LETM1: variants seen among roughly 807,000 people sequenced by gnomAD.
The protein encoded by LETM1 is mitochondrial proton/calcium exchanger protein.
LETM1 carries 50 observed loss-of-function variants against 74.5 expected under a neutral mutation model. The ratio of observed to expected loss-of-function variants is 0.67; its 90% CI spans 0.53 to 0.85. LETM1 has a LOEUF of 0.85. LETM1 is among the 40% of genes least tolerant of loss of function. The pLI is 0.00. For synonymous variants in LETM1, 446 were observed against 407.1 expected (o/e 1.10, Z -1.15); for missense variants, 824 against 967.8 (o/e 0.85, Z 1.97).
At chr4:1,847,428 A>G (rs1291199139) in intron 2 of LETM1, among the ~76,000 whole-genome samples, 1 of 152,172 alleles carries the variant, frequency 6.6e-6, no homozygotes, top group African/African-American at 2.4e-5. Flanking sequence ...TTTTAGAAGT[A>G]AAATGGTTCA....
chr4:1,821,763 C>T (rs1034111820), intron 10 of LETM1, among the ~76,000 whole-genome samples: 1 of 152,180 alleles, frequency 6.6e-6, no homozygotes, highest in Non-Finnish European at 1.5e-5. Context: ...TGAAGATGCT[C>T]CAAGCCCAGA....
chr4:1,829,869 G>A (rs752583973), intron 6 of LETM1, among the ~76,000 whole-genome samples: 5 of 150,562 alleles, frequency 3.3e-5, no homozygotes, highest in East Asian at 1.9e-4. Flanking sequence ...ATGAAACAAC[G>A]ACACACACAC....
At chr4:1,849,297 C>T (rs1712989980) in intron 1 of LETM1, 88 bp from the exon 2 acceptor site, 3 of 931,134 alleles carry the variant, frequency 3.2e-6, no homozygotes, top group Admixed American at 1.9e-5. Flanking sequence ...TGGAGTTTCG[C>T]TCTTGCGCCC....
chr4:1,814,470 T>G lies in LETM1; in HGVS notation c.2174A>C (p.Lys725Thr). The G allele has an allele frequency of 6.2e-7, 1 of 1,614,118 alleles. No homozygotes were observed. Among genetic ancestry groups the G allele is most frequent in the Non-Finnish European group, 8.5e-7 (1 of 1,179,948 alleles). ...CTCCTTCTCTGCCTTCTCTTTGGCCTTCTCCTTCTCCTCCACCTTCTCCTC... is the reference window on the plus strand; with the variant it reads ...CTCCTTCTCTGCCTTCTCTTTGGCCGTCTCCTTCTCCTCCACCTTCTCCTC... ...EKEEKVEEKE[K>T]AKEKAEKEVA... Residue 725 changes from lysine (K) to threonine (T), a missense_variant, in exon 14 of 14, where the codon AAG (lysine) becomes ACG (threonine). Around this residue, in one of 4 missense-constraint regions of LETM1, gnomAD observed 161 missense variants for 252.7 expected, o/e 0.64. Transcript: ENST00000302787.
At chr4:1,855,524 G>A (rs1410128526) in intron 1 of LETM1, among the ~76,000 whole-genome samples, 1 of 152,266 alleles carries the variant, frequency 6.6e-6, no homozygotes, top group East Asian at 1.9e-4. Context: ...CGTGACCAAA[G>A]GGCACGGCCG....
chr4:1,818,117 C>G (rs1211376596), intron 11 of LETM1, among the ~76,000 whole-genome samples: 1 of 151,892 alleles, frequency 6.6e-6, no homozygotes, highest in Non-Finnish European at 1.5e-5. Context: ...GTTTTTTTCC[C>G]ACGAGTAAAC....
intron 11 of LETM1, among the ~76,000 whole-genome samples, chr4:1,818,122 G>A (rs1290127104): frequency 2.0e-5 from 3 of 152,024 alleles, no homozygotes; most frequent in Non-Finnish European, 4.4e-5. Context: ...TTTCCCACGA[G>A]TAAACACCAT....
chr4:1,822,704 CCT>C (rs975280222), intron 9 of LETM1: 72 of 364,952 alleles, frequency 2.0e-4, no homozygotes, highest in African/African-American at 1.4e-3. Context: ...ACAGCAAGTC[CCT>C]GAGGAGAGGG....
At chr4:1,820,190 C>A (rs1577310695) in intron 10 of LETM1, among the ~76,000 whole-genome samples, 1 of 152,216 alleles carries the variant, frequency 6.6e-6, no homozygotes, top group African/African-American at 2.4e-5. Context: ...CCCACCTCGG[C>A]TTCCCACAGT....
chr4:1,832,664 A>G (rs1712317274), intron 6 of LETM1, 80 bp downstream of exon 6: 3 of 1,373,220 alleles, frequency 2.2e-6, no homozygotes, highest in Non-Finnish European at 3.1e-6. Context: ...AGTTTCTACA[A>G]TGAGGACATG....
chr4:1,836,435 T>A lies in LETM1; in HGVS notation c.732A>T (p.Ser244=). 1 of 1,613,822 alleles carries A rather than the reference T, an allele frequency of 6.2e-7. No individual in the cohort carries two copies. The highest frequency in any genetic ancestry group is 8.5e-7 in the Non-Finnish European group (1 of 1,179,910). ...NMLPSTFETQ[S]LKEERLKKEL... ...GTTGGGATGCTGCCCTTACCTTGAG[T>A]GACTGAGTCTCAAATGTGGATGGCA... The change falls in exon 4 of 14, where the codon TCA becomes TCT. Residue 244 remains serine (S), a synonymous_variant. Coordinates refer to ENST00000302787, the MANE Select transcript of LETM1 (RefSeq NM_012318.3). The surrounding 1 kb of genome is among the most constrained non-coding windows in gnomAD (Gnocchi z 5.8).
intron 6 of LETM1, among the ~76,000 whole-genome samples, chr4:1,828,773 C>A (rs1259813148): frequency 1.4e-5 from 2 of 145,794 alleles, no homozygotes; most frequent in Non-Finnish European, 3.0e-5. Flanking sequence ...CAGAGGCGCC[C>A]CCCACCCCCC....
intron 1 of LETM1, among the ~76,000 whole-genome samples, chr4:1,851,792 G>A (rs544064658): frequency 1.4e-4 from 22 of 152,280 alleles, no homozygotes; most frequent in African/African-American, 3.6e-4. Context: ...GGCTCCGCCC[G>A]GCAAGCAGGC....
intron 6 of LETM1, among the ~76,000 whole-genome samples, chr4:1,827,379 C>T (rs867396761): frequency 2.8e-4 from 35 of 122,880 alleles, no homozygotes; most frequent in Admixed American, 1.1e-3. Flanking sequence ...GAGGGAAGGT[C>T]AGCAGATAAA....
At position 1,813,014 on chromosome 4, in the gene LETM1, G is replaced by A. The variant is rs1316423326; in HGVS notation, c.*1410C>T. On this transcript the variant is annotated 3_prime_UTR_variant, in exon 14 of 14. Transcript: ENST00000302787. The stretch of plus-strand genomic sequence containing the variant: ...CAAGGGTAAGTACACTTGGACAAAC[G>A]AACACCAGGCTACTTACACAGGGTG... The A allele has an allele frequency of 6.6e-6, 1 of 152,346 alleles. No homozygotes were observed. Among genetic ancestry groups the A allele is most frequent in the Non-Finnish European group, 1.5e-5 (1 of 68,044 alleles). 9.4% of individuals were successfully genotyped at this position (152,346 alleles called of 1,614,324 possible). A position where few individuals can be genotyped will look rare whatever the true frequency, so the allele number is the denominator to read the frequency against.
intron 3 of LETM1, chr4:1,839,257 T>G (rs922940973): frequency 1.3e-5 from 2 of 151,960 alleles, no homozygotes; most frequent in African/African-American, 4.8e-5. Context: ...TGTGGAACCT[T>G]GGGGTCAGAA....
Position 1,855,917 on chromosome 4 carries a change from G to T in LETM1, c.34C>A (p.Arg12=). 8.1e-7 allele frequency: 1 copy of T among 1,237,012 alleles called. No homozygotes were observed. The highest frequency in any genetic ancestry group is 3.4e-5 in the South Asian group (1 of 29,154). The allele number at this position is 1,237,012 out of a possible 1,614,324, so 76.6% of individuals were successfully genotyped here. Residue 12 remains arginine, a synonymous_variant, in exon 1 of 14, where the codon CGG becomes AGG. Transcript: ENST00000302787. The part of the protein sequence containing the change: ...ASILLRSCRG[R]APARLPPPPR... ...GGCGGCGGGAGGCGGGCGGGCGCCC[G>T]GCCGCGGCAGCTCCTCAGTAAGATG...
intron 12 of LETM1, among the ~76,000 whole-genome samples, chr4:1,816,220 C>T (rs1174890341): frequency 8.7e-6 from 1 of 115,234 alleles, no homozygotes; most frequent in African/African-American, 3.2e-5. Context: ...ACCTACAACA[C>T]TGTGGGTGTG....
rs944015771 is a variant in LETM1 at position 1,834,672 on chromosome 4, G to C, written c.876+173C>G. On this transcript the variant is annotated intron_variant, in intron 5 of 13. Coordinates refer to ENST00000302787, the MANE Select transcript of LETM1 (RefSeq NM_012318.3). This position sits in a 1 kb window ranked among gnomAD's most constrained non-coding sequence, Gnocchi z 5.0. ...CCACAGCTTAACTCACTGGGAGCTC[G>C]TGGGGGCAGACTCCTGACACTCCAC... is the stretch of plus-strand genomic sequence containing the variant. 3.5e-6 allele frequency: 5 copies of C among 1,443,566 alleles called. No homozygotes were observed. Among genetic ancestry groups the C allele is most frequent in the Non-Finnish European group, 4.5e-6 (5 of 1,102,574 alleles). 89.4% of individuals were successfully genotyped at this position (1,443,566 alleles called of 1,614,324 possible).
Sources: allele counts gnomAD v4.1 joint callset (sites outside exome capture counted in the v4.1 genomes callset), GRCh38; gene constraint gnomAD v4.1.1; regional missense constraint gnomAD v4.1.1; non-coding constraint Gnocchi (gnomAD v3.1); transcripts MANE v1.5; gene names NCBI Gene and HGNC (gene_info 2026-07-23, HGNC 2026-07-21).